FANCA: variants seen among roughly 807,000 people sequenced by gnomAD.
FANCA encodes the protein FA complementation group A, also known as Fanconi anemia group A protein.
A neutral mutation model predicts 194.3 loss-of-function variants in FANCA; 236 were observed. The observed-to-expected ratio is 1.21, with a 90% confidence interval of 1.09 to 1.35. The LOEUF is 1.35. FANCA is among the 40% of genes most tolerant of loss of function. The probability of loss-of-function intolerance (pLI) is 0.00; values close to 1 mark genes in which losing one functional copy is unlikely to be tolerated. For synonymous variants in FANCA, 1,014 were observed against 715.8 expected (o/e 1.42, Z -6.65); for missense variants, 2,628 against 1,813.9 (o/e 1.45, Z -8.15).
chr16:89,803,127 AAC>A, intron 8 of FANCA, 130 bp downstream of exon 8: 1 of 884,938 alleles, frequency 1.1e-6, no homozygotes, highest in Admixed American at 1.8e-5. Context: ...CTATGCACAA[AAC>A]AAGTATCACA....
In FANCA at chr16:89,769,913, C is replaced by A. The variant is rs1263882781; in HGVS notation, c.2428G>T (p.Ala810Ser). The change falls in exon 26 of 43, where the codon GCT (alanine) becomes TCT (serine). Residue 810 changes from alanine (A) to serine (S), a missense_variant. Physicochemically the swap from Ala to Ser is moderately conservative, Grantham distance 99. Coordinates refer to ENST00000389301, the MANE Select transcript of FANCA (RefSeq NM_000135.4). ...EVDVGPPAPG[A>S]GLPVPALFDS... The stretch of plus-strand genomic sequence containing the variant: ...AAGAGCGCAGGGACAGGAAGGCCAG[C>A]ACCAGGTGCAGGAGGACCCACATCC... 1.2e-6 allele frequency: 2 copies of A among 1,614,112 alleles called. No individual in the cohort carries two copies. Among genetic ancestry groups the A allele is most frequent in the East Asian group, 2.2e-5 (1 of 44,874 alleles).
At chr16:89,742,678 T>G (rs1375794269) in intron 37 of FANCA, 122 bp downstream of exon 37, 10 of 603,276 alleles carry the variant, frequency 1.7e-5, no homozygotes, top group African/African-American at 5.1e-5. Context: ...AAAAAAAAAG[T>G]CTTGCTCCAA....
At chr16:89,781,085 C>T (rs746029140) in intron 17 of FANCA, among the ~76,000 whole-genome samples, 4 of 152,110 alleles carry the variant, frequency 2.6e-5, no homozygotes, top group Non-Finnish European at 5.9e-5. Context: ...GAATGGAGGG[C>T]CAGGCGCAGT....
intron 30 of FANCA, among the ~76,000 whole-genome samples, chr16:89,754,267 G>T (rs181591669): frequency 2.2e-3 from 336 of 151,378 alleles, no homozygotes; most frequent in Non-Finnish European, 4.0e-3. Flanking sequence ...AAACAACACT[G>T]CCCGGGGAGT....
chr16:89,781,781 C>T (rs984631166), intron 17 of FANCA, among the ~76,000 whole-genome samples: 2 of 151,742 alleles, frequency 1.3e-5, no homozygotes, highest in African/African-American at 4.8e-5. Flanking sequence ...GGGCGGATCA[C>T]GAGGTCAGGA....
chr16:89,749,875 G>C lies in FANCA; in HGVS notation c.3094C>G (p.Gln1032Glu), dbSNP rs2038521222. Residue 1032 changes from glutamine to glutamate, a missense_variant, in exon 32 of 43, where the codon CAA becomes GAA. Coordinates refer to ENST00000389301, the MANE Select transcript of FANCA (RefSeq NM_000135.4). ...TGGCCGAGAGGCACTATGAGGTCTT[G>C]CTGCAGCTCCAGGTCAGCTACCATC... ...QEMVADLELQ[Q>E]DLIVPLGHTP... The C allele has an allele frequency of 1.2e-6, 2 of 1,614,210 alleles. No homozygotes were observed. Among genetic ancestry groups the C allele is most frequent in the Non-Finnish European group, 1.7e-6 (2 of 1,180,040 alleles).
intron 20 of FANCA, chr16:89,778,335 G>A (rs1051343079): frequency 5.6e-6 from 2 of 358,556 alleles, no homozygotes; most frequent in Non-Finnish European, 1.1e-5. Flanking sequence ...GCGTGGTGGT[G>A]CATACCTATA....
intron 30 of FANCA, among the ~76,000 whole-genome samples, chr16:89,757,609 A>G (rs1003332438): frequency 1.3e-5 from 2 of 152,170 alleles, no homozygotes; most frequent in African/African-American, 4.8e-5. Context: ...CTGCATACAC[A>G]CTTGCCATCT....
rs186949855 is a variant in FANCA, at chr16:89,790,132, T to C, written c.1359+1271A>G. ...ATTAGAGACGCAAGGCTGGGCACGG[T>C]GGCTCATGCCTGTAATCCCTGCACT... On this transcript the variant is annotated intron_variant, in intron 14 of 42. Coordinates refer to ENST00000389301, the MANE Select transcript of FANCA (RefSeq NM_000135.4). Among the ~76,000 whole-genome samples, 423 of 152,308 alleles carry C rather than the reference T, an allele frequency of 2.8e-3. 1 individual carries two copies. The highest frequency in any genetic ancestry group is 9.7e-3 in the African/African-American group (403 of 41,580).
At chr16:89,803,201 A>C in intron 8 of FANCA, 58 bp downstream of exon 8, 1 of 1,495,988 alleles carries the variant, frequency 6.7e-7, no homozygotes, top group Non-Finnish European at 9.3e-7. Context: ...ATACATTTCA[A>C]CACTTGGAAT....
At chr16:89,744,735 G>C (rs972555614) in intron 36 of FANCA, 72 of 591,406 alleles carry the variant, frequency 1.2e-4, no homozygotes, top group South Asian at 2.5e-4. Context: ...CGGCTCACTG[G>C]AAACTCCACC....
chr16:89,792,176 A>C, intron 12 of FANCA, 108 bp from the exon 13 acceptor site: 1 of 1,286,588 alleles, frequency 7.8e-7, no homozygotes, highest in Non-Finnish European at 1.1e-6. Flanking sequence ...CTCACTTCCC[A>C]CTGCAAAGGT....
Position 89,794,438 on chromosome 16 carries a change from T to TAC in FANCA, c.1006+1467_1006+1468insGT, listed in dbSNP as rs567677831. 5.4e-3 allele frequency among the ~76,000 whole-genome samples: 826 copies of TAC among 152,032 alleles called. 6 individuals carry two copies. The highest frequency in any genetic ancestry group is 0.019 in the African/African-American group (797 of 41,474). ...GGTGGCAGGCGCCTGTAATTCAAGC[T>TAC]TGGCAGGGAATAGCTTGAACCCAGG... is the stretch of plus-strand genomic sequence containing the variant. On this transcript the variant is annotated intron_variant, in intron 11 of 42. Coordinates refer to ENST00000389301, the MANE Select transcript of FANCA (RefSeq NM_000135.4).
intron 14 of FANCA, among the ~76,000 whole-genome samples, chr16:89,787,425 T>A (rs4785596): frequency 6.6e-6 from 1 of 151,838 alleles, no homozygotes; most frequent in African/African-American, 2.4e-5. Flanking sequence ...CAGGAGGCTG[T>A]GGCAGGAGAA....
chr16:89,754,044 ACT>A (rs546404312), intron 30 of FANCA, among the ~76,000 whole-genome samples: 205 of 152,106 alleles, frequency 1.3e-3, no homozygotes, highest in African/African-American at 4.6e-3. Context: ...ACACAGCGAC[ACT>A]CTGTCTCAAA....
intron 26 of FANCA, among the ~76,000 whole-genome samples, chr16:89,768,692 A>C (rs973281038): frequency 6.6e-6 from 1 of 152,054 alleles, no homozygotes; most frequent in Non-Finnish European, 1.5e-5. Flanking sequence ...AAAAAAAAAA[A>C]CAAAACACAC....
At chr16:89,810,231 G>C (rs1477365786) in intron 5 of FANCA, among the ~76,000 whole-genome samples, 8 of 151,058 alleles carry the variant, frequency 5.3e-5, no homozygotes, top group Admixed American at 2.6e-4. Flanking sequence ...GCTGAGGCAG[G>C]AGAATGGCGT....
intron 39 of FANCA, 126 bp downstream of exon 39, chr16:89,739,868 A>T: frequency 1.9e-6 from 3 of 1,545,608 alleles, no homozygotes; most frequent in Non-Finnish European, 2.6e-6. Flanking sequence ...AATCTGTCCC[A>T]ACTAAAATGG....
At chr16:89,781,591 G>C (rs1241618480) in intron 17 of FANCA, among the ~76,000 whole-genome samples, 3 of 151,250 alleles carry the variant, frequency 2.0e-5, no homozygotes, top group Admixed American at 6.6e-5. Context: ...CAGGAGAATG[G>C]TGTGAACCCG....
Sources: allele counts gnomAD v4.1 joint callset (sites outside exome capture counted in the v4.1 genomes callset), GRCh38; gene constraint gnomAD v4.1.1; transcripts MANE v1.5; gene names NCBI Gene and HGNC (gene_info 2026-07-23, HGNC 2026-07-21).